Variants in ARFGEF1 observed in about 807,000 individuals in gnomAD.
The protein encoded by ARFGEF1 is brefeldin A-inhibited guanine nucleotide-exchange protein 1.
A neutral mutation model predicts 231.0 loss-of-function variants in ARFGEF1; 42 were observed. The observed-to-expected ratio is 0.18, with a 90% CI of 0.14 to 0.24. The LOEUF (loss-of-function observed/expected upper bound fraction) is 0.24. Among genes scored for constraint, ARFGEF1 ranks in the 10% least tolerant of loss-of-function variants. ARFGEF1 has a pLI of 1.00. For synonymous variants in ARFGEF1, 710 were observed against 732.3 expected (o/e 0.97, Z 0.49); for missense variants, 1,345 against 2,192.0 (o/e 0.61, Z 7.72).
chr8:67,193,164 T>A (rs1402686991), downstream of ARFGEF1, among the ~76,000 whole-genome samples: 2 of 152,178 alleles, frequency 1.3e-5, no homozygotes, highest in Non-Finnish European at 2.9e-5. Flanking sequence ...TCTCCCAGGC[T>A]GGAGTCCAGT....
chr8:67,205,861 A>AAAATAAAT (rs202104244), intron 34 of ARFGEF1, among the ~76,000 whole-genome samples: 162 of 150,240 alleles, frequency 1.1e-3, no homozygotes, highest in African/African-American at 3.4e-3. Flanking sequence ...CCGTCTCAAA[A>AAAATAAAT]AAATAAATAA....
At chr8:67,195,636 G>A (rs980768057), downstream of ARFGEF1, 6 of 1,554,932 alleles carry the variant, frequency 3.9e-6, no homozygotes, top group Non-Finnish European at 4.4e-6. Flanking sequence ...TAAGGTGAAA[G>A]GAATGGTAAA....
chr8:67,222,194 T>TATACACAC (rs1563846375), intron 29 of ARFGEF1, among the ~76,000 whole-genome samples: 1 of 140,822 alleles, frequency 7.1e-6, no homozygotes, highest in African/African-American at 2.7e-5. Flanking sequence ...TATATATATA[T>TATACACAC]ATATATATAT....
At chr8:67,338,098 A>G (rs1303729613) in intron 1 of ARFGEF1, among the ~76,000 whole-genome samples, 1 of 152,228 alleles carries the variant, frequency 6.6e-6, no homozygotes, top group Non-Finnish European at 1.5e-5. Context: ...CCTTACCAAG[A>G]GACACAAATG....
In ARFGEF1 at chr8:67,198,119, A is replaced by G. The variant is rs1045823416; in HGVS notation, c.*815T>C. ...TTAAAAGTCCTAAGAGAAATATGTG[A>G]CAGGTAGTTACTGTCAGTAGGGATA... On this transcript the variant is annotated 3_prime_UTR_variant, in exon 39 of 39. Transcript: ENST00000262215. The G allele has an allele frequency of 1.0e-6, 1 of 985,804 alleles. No homozygotes were observed. The allele number at this position is 985,804 out of a possible 1,614,324, so 61.1% of individuals were successfully genotyped here. A position where few individuals can be genotyped will look rare whatever the true frequency, so the allele number is the denominator to read the frequency against.
In ARFGEF1 at chr8:67,244,316, G is replaced by GTT. The variant is rs376228822; in HGVS notation, c.2851-4028_2851-4027dup. On this transcript the variant is annotated intron_variant, in intron 19 of 38. Transcript: ENST00000262215. ...TCTCTCTCTCTCTGTTGTTGTTGTT[G>GTT]TTTTTTTTTTTTTTTTTGAGGATCT... Among the ~76,000 whole-genome samples the GTT allele has an allele frequency of 4.3e-4, 21 of 49,382 alleles. 1 individual carries two copies. The highest frequency in any genetic ancestry group is 2.3e-3 in the Admixed American group (8 of 3,416). The allele number at this position is 49,382 out of a possible 152,430, so 32.4% of individuals were successfully genotyped here.
intron 17 of ARFGEF1, among the ~76,000 whole-genome samples, chr8:67,256,312 A>T (rs1169504056): frequency 6.6e-6 from 1 of 152,220 alleles, no homozygotes; most frequent in Non-Finnish European, 1.5e-5. Flanking sequence ...AAAGTCCTAT[A>T]TAAAATCAAG....
intron 23 of ARFGEF1, 86 bp from the exon 24 acceptor site, chr8:67,228,350 A>AT: frequency 7.7e-7 from 1 of 1,305,504 alleles, no homozygotes; most frequent in Non-Finnish European, 1.1e-6. Context: ...GGTACTAGCT[A>AT]TTTTTATGTT....
chr8:67,225,032 G>A lies in ARFGEF1; in HGVS notation c.4079C>T (p.Ala1360Val). 6.3e-7 allele frequency: 1 copy of A among 1,587,248 alleles called. No homozygotes were observed. The highest frequency in any genetic ancestry group is 1.2e-5 in the South Asian group (1 of 85,208). The change falls in exon 29 of 39, where the codon GCT becomes GTT. Residue 1360 changes from alanine to valine, a missense_variant and splice_region_variant. Physicochemically the swap from Ala to Val is moderately conservative, Grantham distance 64. Coordinates refer to ENST00000262215, the MANE Select transcript of ARFGEF1 (RefSeq NM_006421.5). ...ATCATCGCTTGTGTATTCCTTGAAA[G>A]CCTTCAAGAAAAAAGGTAGGGTTAT... ...CAKYVSDRPQ[A>V]FKEYTSDDMN...
At chr8:67,301,411 G>T (rs114028163) in intron 2 of ARFGEF1, 31 bp from the exon 3 acceptor site, 1 of 1,576,530 alleles carries the variant, frequency 6.3e-7, no homozygotes, top group Admixed American at 2.0e-5. Context: ...TGATTATAGC[G>T]TATCACATTT....
At chr8:67,308,671 A>C (rs1427229598) in intron 1 of ARFGEF1, among the ~76,000 whole-genome samples, 1 of 152,122 alleles carries the variant, frequency 6.6e-6, no homozygotes, top group Non-Finnish European at 1.5e-5. Flanking sequence ...AGAAACAAGG[A>C]CCTATTTTTA....
chr8:67,187,053 ACTG>A (rs1247740702), intron 5 of ARFGEF1, among the ~76,000 whole-genome samples: 2 of 152,226 alleles, frequency 1.3e-5, no homozygotes, highest in East Asian at 3.9e-4. Flanking sequence ...AAACTACAAA[ACTG>A]ATGAAATTGA....
chr8:67,194,660 T>C (rs972028511), downstream of ARFGEF1, among the ~76,000 whole-genome samples: 6 of 150,602 alleles, frequency 4.0e-5, no homozygotes, highest in Admixed American at 4.0e-4. Context: ...TGACTGCACA[T>C]ACCAATCCTT....
chr8:67,311,547 CA>C (rs1257939840), intron 1 of ARFGEF1, among the ~76,000 whole-genome samples: 1 of 146,852 alleles, frequency 6.8e-6, no homozygotes, highest in East Asian at 2.1e-4. Flanking sequence ...GCCAGCCGCC[CA>C]GTCTGGGAGG....
chr8:67,328,061 G>A (rs1807921534), intron 1 of ARFGEF1, among the ~76,000 whole-genome samples: 1 of 151,788 alleles, frequency 6.6e-6, no homozygotes, highest in Non-Finnish European at 1.5e-5. Context: ...GGAGAGATGA[G>A]GGAGATAAAG....
At chr8:67,227,746 A>G (rs1587086375) in intron 25 of ARFGEF1, 148 bp from the exon 26 acceptor site, 1 of 943,414 alleles carries the variant, frequency 1.1e-6, no homozygotes, top group South Asian at 2.2e-5. Flanking sequence ...TGCTAAAACT[A>G]TTTCTCAACA....
chr8:67,258,389 G>C, intron 15 of ARFGEF1, 99 bp from the exon 16 acceptor site: 1 of 813,318 alleles, frequency 1.2e-6, no homozygotes, highest in South Asian at 1.8e-5. Flanking sequence ...GCAGTGGCAC[G>C]ATCTCGGCTC....
At chr8:67,225,638 C>CT (rs1439250481) in intron 28 of ARFGEF1, among the ~76,000 whole-genome samples, 1 of 152,140 alleles carries the variant, frequency 6.6e-6, no homozygotes, top group African/African-American at 2.4e-5. Context: ...ACAAGATGCA[C>CT]TGTAGGGAAT....
chr8:67,312,245 T>TAA (rs771238790), intron 1 of ARFGEF1, among the ~76,000 whole-genome samples: 5 of 113,030 alleles, frequency 4.4e-5, no homozygotes, highest in African/African-American at 1.6e-4. Context: ...AAAAAAAAAT[T>TAA]AAAAAAAAAA....
Sources: allele counts gnomAD v4.1 joint callset (sites outside exome capture counted in the v4.1 genomes callset), GRCh38; gene constraint gnomAD v4.1.1; transcripts MANE v1.5; gene names NCBI Gene and HGNC (gene_info 2026-07-23, HGNC 2026-07-21).